The following SHLD1 variants were observed in gnomAD, a reference collection of about 807,000 sequenced individuals.
SHLD1 encodes the protein shieldin complex subunit 1, also known as RINN1-REV7-interacting novel NHEJ regulator 3.
In SHLD1, 3 loss-of-function variants were observed where a neutral mutation model predicts 5.5. The observed-to-expected ratio is 0.54, with a 90% confidence interval of 0.25 to 1.40. The LOEUF is 1.40. SHLD1 is among the 40% of genes most tolerant of loss of function. SHLD1 has a pLI of 0.15. For synonymous variants in SHLD1, 92 were observed against 94.3 expected (o/e 0.98, Z 0.14); for missense variants, 210 against 244.4 (o/e 0.86, Z 0.94).
intron 2 of SHLD1, among the ~76,000 whole-genome samples, chr20:5,842,866 C>T (rs2087882088): frequency 6.6e-6 from 1 of 152,002 alleles, no homozygotes; most frequent in Admixed American, 6.6e-5. Context: ...TTATTTTTCT[C>T]ATTTACCTGT....
intron 1 of SHLD1, among the ~76,000 whole-genome samples, chr20:5,751,153 C>G (rs1323762345): frequency 2.0e-5 from 3 of 152,148 alleles, no homozygotes; most frequent in African/African-American, 7.2e-5. Context: ...ACGTCCACTC[C>G]GCCTCAAGTC....
intron 2 of SHLD1, among the ~76,000 whole-genome samples, chr20:5,795,151 A>G (rs892068584): frequency 6.6e-6 from 1 of 152,022 alleles, no homozygotes; most frequent in Non-Finnish European, 1.5e-5. Context: ...AGGCACAAGA[A>G]TCACTTGAAC....
intron 2 of SHLD1, among the ~76,000 whole-genome samples, chr20:5,779,564 G>C (rs2122267218): frequency 6.6e-6 from 1 of 152,150 alleles, no homozygotes; most frequent in East Asian, 1.9e-4. Context: ...ATCTCTACTG[G>C]GCCACCATTC....
rs528192276 is a variant in SHLD1 at position 5,855,971 on chromosome 20, C to A, written c.179-7053C>A. On this transcript the variant is annotated intron_variant, in intron 2 of 2. Transcript: ENST00000303142. This position sits in a 1 kb window ranked among gnomAD's most constrained non-coding sequence, Gnocchi z 4.4. The stretch of plus-strand genomic sequence containing the variant: ...TACTCTTTTTCCTCTGCTATAGTCA[C>A]TAGGCAATGTTGAGATAGTAGCTGC... Among the ~76,000 whole-genome samples, 1 of 152,304 alleles carries A rather than the reference C, an allele frequency of 6.6e-6. No individual in the cohort carries two copies. The highest frequency in any genetic ancestry group is 2.4e-5 in the African/African-American group (1 of 41,570).
chr20:5,801,420 GA>G (rs1232589278), intron 2 of SHLD1, among the ~76,000 whole-genome samples: 1 of 152,186 alleles, frequency 6.6e-6, no homozygotes, highest in Non-Finnish European at 1.5e-5. Flanking sequence ...GAGGCAAAAA[GA>G]GAACTCCGAA....
At chr20:5,833,370 A>G (rs900157169) in intron 2 of SHLD1, among the ~76,000 whole-genome samples, 1 of 152,210 alleles carries the variant, frequency 6.6e-6, no homozygotes, top group Non-Finnish European at 1.5e-5. Context: ...TGTTGAAATA[A>G]TACTCATTTA....
At chr20:5,751,467 C>T (rs573713255) in intron 1 of SHLD1, among the ~76,000 whole-genome samples, 1 of 151,986 alleles carries the variant, frequency 6.6e-6, no homozygotes, top group Non-Finnish European at 1.5e-5. Flanking sequence ...CCACCACGTT[C>T]GACTAATTTT....
At chr20:5,814,394 G>C (rs2087500602) in intron 2 of SHLD1, among the ~76,000 whole-genome samples, 1 of 152,068 alleles carries the variant, frequency 6.6e-6, no homozygotes, top group Admixed American at 6.6e-5. Context: ...TAGGACCCAA[G>C]AATCTTAAAG....
At chr20:5,784,541 C>T in intron 2 of SHLD1, among the ~76,000 whole-genome samples, 1 of 152,002 alleles carries the variant, frequency 6.6e-6, no homozygotes, top group Non-Finnish European at 1.5e-5. Context: ...AGCTCCGCCT[C>T]CCGGGTTCAC....
At chr20:5,858,715 G>A (rs1025371518) in intron 2 of SHLD1, among the ~76,000 whole-genome samples, 10 of 152,106 alleles carry the variant, frequency 6.6e-5, no homozygotes, top group Admixed American at 6.5e-4. Flanking sequence ...CACACCTGTG[G>A]TCCCAGCTAC....
intron 2 of SHLD1, among the ~76,000 whole-genome samples, chr20:5,841,576 G>T (rs972039597): frequency 2.6e-5 from 4 of 152,188 alleles, no homozygotes; most frequent in East Asian, 1.9e-4. Context: ...TATGTGAAAT[G>T]AAATTTATGG....
chr20:5,787,374 C>A (rs891899416), intron 2 of SHLD1, among the ~76,000 whole-genome samples: 5 of 152,242 alleles, frequency 3.3e-5, no homozygotes. Flanking sequence ...ATTCTTGGCT[C>A]TTTGCCCTTG....
intron 2 of SHLD1, among the ~76,000 whole-genome samples, chr20:5,860,402 C>T (rs545077667): frequency 2.6e-4 from 40 of 151,982 alleles, no homozygotes; most frequent in Non-Finnish European, 3.1e-4. Context: ...TTGAGATTTG[C>T]TCACAAAAAA....
intron 1 of SHLD1, among the ~76,000 whole-genome samples, chr20:5,768,621 A>C (rs569961278): frequency 2.3e-4 from 35 of 152,368 alleles, no homozygotes; most frequent in Non-Finnish European, 5.0e-4. Flanking sequence ...CATATTACCC[A>C]GATAACTAGT....
intron 2 of SHLD1, among the ~76,000 whole-genome samples, chr20:5,780,422 G>T (rs1057204295): frequency 6.6e-6 from 1 of 152,162 alleles, no homozygotes; most frequent in Admixed American, 6.6e-5. Flanking sequence ...AGGCACGCTG[G>T]AGAGAATACC....
chr20:5,767,752 G>C (rs1364331714), intron 1 of SHLD1, among the ~76,000 whole-genome samples: 1 of 152,186 alleles, frequency 6.6e-6, no homozygotes, highest in Non-Finnish European at 1.5e-5. Context: ...TTATGAGTCA[G>C]AGAGTAATGG....
chr20:5,861,822 G>A (rs1699236), intron 2 of SHLD1, among the ~76,000 whole-genome samples: 110,474 of 152,078 alleles, frequency 0.73, 40,297 homozygotes, highest in African/African-American at 0.79. Context: ...TATGTTTATT[G>A]TAGCTACTGA....
chr20:5,861,910 A>G (rs1032983896), intron 2 of SHLD1, among the ~76,000 whole-genome samples: 4 of 152,234 alleles, frequency 2.6e-5, no homozygotes, highest in African/African-American at 9.6e-5. Flanking sequence ...TGGAGGTCCA[A>G]GAGCAGGGTG....
chr20:5,794,315 C>T (rs2087181902), intron 2 of SHLD1, among the ~76,000 whole-genome samples: 1 of 152,224 alleles, frequency 6.6e-6, no homozygotes, highest in Non-Finnish European at 1.5e-5. Flanking sequence ...ACTGCTGTTA[C>T]AACTAGTGCT....
Sources: allele counts gnomAD v4.1 joint callset (sites outside exome capture counted in the v4.1 genomes callset), GRCh38; gene constraint gnomAD v4.1.1; non-coding constraint Gnocchi (gnomAD v3.1); transcripts MANE v1.5; gene names NCBI Gene and HGNC (gene_info 2026-07-23, HGNC 2026-07-21).